CCDC33: variants seen among roughly 807,000 people sequenced by gnomAD.
CCDC33 encodes the protein coiled-coil domain containing 33.
In CCDC33, 94 loss-of-function variants were observed where a neutral mutation model predicts 91.9. The ratio of observed to expected loss-of-function variants is 1.02; its 90% CI spans 0.87 to 1.21. The LOEUF (loss-of-function observed/expected upper bound fraction) is 1.21, where lower values mean the gene tolerates loss of function less well. Ranked by LOEUF, CCDC33 falls within the 50% of genes most tolerant of loss-of-function variation. CCDC33 has a pLI of 0.00. For missense variants in CCDC33, 940 were observed against 935.5 expected (o/e 1.00, Z -0.06); for synonymous variants, 396 against 374.5 (o/e 1.06, Z -0.66).
chr15:74,269,817 T>A (rs1455722623), intron 5 of CCDC33, among the ~76,000 whole-genome samples: 1 of 152,192 alleles, frequency 6.6e-6, no homozygotes, highest in Non-Finnish European at 1.5e-5. Context: ...TGCCTGCTCC[T>A]GATGGTGAGC....
chr15:74,334,110 GCAACCAGGGTCAGGGCTCAGTGTA>G (rs1567045773), intron 17 of CCDC33, 143 bp downstream of exon 17: 2 of 664,640 alleles, frequency 3.0e-6, no homozygotes, highest in African/African-American at 3.6e-5. Flanking sequence ...GGTTCAGTGT[GCAACCAGGGTCAGGGCTCAGTGTA>G]CAACCAGGGT....
At position 74,208,721 on chromosome 15, in the gene CCDC33, CGCA is replaced by C; in HGVS notation, n.90-666_90-664del. 4.1e-6 allele frequency: 4 copies of C among 987,606 alleles called. No individual in the cohort carries two copies. In the South Asian group the frequency reaches 1.4e-4, roughly 35 times the overall value. 61.2% of individuals were successfully genotyped at this position (987,606 alleles called of 1,614,324 possible). On this transcript the variant is annotated intron_variant and non_coding_transcript_variant, in intron 1 of 3. Coordinates refer to the CCDC33 transcript ENST00000558645. ...GCTCTGACTCCTGCTCACTTCCCACCGCACACCCCATGTGCCTTCTCGCTGTTC... is the reference window on the plus strand; with the variant it reads ...GCTCTGACTCCTGCTCACTTCCCACCCACCCCATGTGCCTTCTCGCTGTTC...
At chr15:74,225,111 T>A (rs1305121571) in intron 2 of CCDC33, among the ~76,000 whole-genome samples, 1 of 139,994 alleles carries the variant, frequency 7.1e-6, no homozygotes, top group Non-Finnish European at 1.6e-5. Flanking sequence ...TCACACCTCC[T>A]GGAGGCGTGT....
intron 1 of CCDC33, among the ~76,000 whole-genome samples, chr15:74,204,699 G>A (rs903747682): frequency 5.3e-5 from 8 of 152,202 alleles, no homozygotes; most frequent in African/African-American, 1.2e-4. Flanking sequence ...TTGGGAGGCC[G>A]AGGCAGGTGG....
chr15:74,299,116 G>A (rs989296367), intron 11 of CCDC33, among the ~76,000 whole-genome samples: 4 of 152,354 alleles, frequency 2.6e-5, no homozygotes, highest in Middle Eastern at 3.4e-3. Context: ...GAGGCTCTGA[G>A]TGATACCCCA....
rs745865997 is a variant in CCDC33, at chr15:74,330,197, C to A, written c.1299C>A (p.Asn433Lys). The change falls in exon 12 of 19, where the codon AAC becomes AAA. Residue 433 changes from asparagine to lysine, a missense_variant. Transcript: ENST00000398814. ...VPEMSHDTEM[N>K]NYRRAMQKMA... ...GGCTCTGGGATCCACAGGAGATGAA[C>A]AACTACCGGCGGGCCATGCAGAAGA... 3.2e-5 allele frequency: 51 copies of A among 1,604,080 alleles called. No individual in the cohort carries two copies. The highest frequency in any genetic ancestry group is 4.2e-5 in the Non-Finnish European group (49 of 1,174,186).
chr15:74,264,552 C>T (rs993932181), intron 3 of CCDC33, among the ~76,000 whole-genome samples: 3 of 152,136 alleles, frequency 2.0e-5, no homozygotes, highest in African/African-American at 7.2e-5. Context: ...TGGCAAATCC[C>T]AACTGGATCT....
At chr15:74,206,291 G>A (rs553422742) in intron 1 of CCDC33, among the ~76,000 whole-genome samples, 27 of 152,338 alleles carry the variant, frequency 1.8e-4, no homozygotes, top group African/African-American at 4.8e-4. Context: ...CATGGATAGC[G>A]GGTGGCCGCG....
chr15:74,209,858 G>A (rs1034749605), intron 2 of CCDC33, among the ~76,000 whole-genome samples: 7 of 152,222 alleles, frequency 4.6e-5, no homozygotes, highest in Admixed American at 3.9e-4. Flanking sequence ...GGGCCAAGAA[G>A]CGGGGCCCTA....
chr15:74,224,648 G>T (rs1430198302), intron 2 of CCDC33, among the ~76,000 whole-genome samples: 3 of 152,168 alleles, frequency 2.0e-5, no homozygotes, highest in Admixed American at 2.0e-4. Flanking sequence ...CCTGGTGCAG[G>T]TTATATAACT....
At chr15:74,242,639 A>ACC (rs1456573082) in intron 1 of CCDC33, among the ~76,000 whole-genome samples, 15 of 151,722 alleles carry the variant, frequency 9.9e-5, no homozygotes, top group Admixed American at 9.8e-4. Flanking sequence ...GGTAGGCAAG[A>ACC]CCTCCTACCA....
Position 74,285,454 on chromosome 15 carries a change from A to C in CCDC33, c.1095+3605A>C, listed in dbSNP as rs115374661. Among the ~76,000 whole-genome samples the C allele has an allele frequency of 7.1e-3, 1,085 of 152,246 alleles. 15 individuals carry two copies. Among genetic ancestry groups the C allele is most frequent in the African/African-American group, 0.025 (1,037 of 41,526 alleles). ...CCTGTGCTGCCATGACAGACAGCTC[A>C]CTACCTCCAGAAGCAGGCCTTCCTA... is the stretch of plus-strand genomic sequence containing the variant. On this transcript the variant is annotated intron_variant, in intron 10 of 18. Coordinates refer to ENST00000398814, the MANE Select transcript of CCDC33 (RefSeq NM_025055.5).
At chr15:74,213,873 T>C (rs946850962), upstream of CCDC33, among the ~76,000 whole-genome samples, 1 of 152,188 alleles carries the variant, frequency 6.6e-6, no homozygotes, top group South Asian at 2.1e-4. Flanking sequence ...CATGATCACC[T>C]AATCGCAGTG....
chr15:74,333,144 A>T, intron 16 of CCDC33: 1 of 1,217,376 alleles, frequency 8.2e-7, no homozygotes, highest in Non-Finnish European at 1.2e-6. Context: ...CCTGGACCCT[A>T]CACAGGCCTC....
intron 2 of CCDC33, among the ~76,000 whole-genome samples, chr15:74,258,377 C>T (rs754713197): frequency 6.6e-6 from 1 of 152,210 alleles, no homozygotes; most frequent in Non-Finnish European, 1.5e-5. Flanking sequence ...TCAAAACAAA[C>T]CAGGCCGCCT....
chr15:74,321,682 G>A (rs1217227284), intron 11 of CCDC33, among the ~76,000 whole-genome samples: 1 of 152,196 alleles, frequency 6.6e-6, no homozygotes, highest in African/African-American at 2.4e-5. Context: ...TTACAGGCGT[G>A]AACCACCGCA....
chr15:74,247,263 T>G (rs1356863516), intron 2 of CCDC33, among the ~76,000 whole-genome samples: 1 of 151,932 alleles, frequency 6.6e-6, no homozygotes, highest in Non-Finnish European at 1.5e-5. Context: ...AGGTCAAGAG[T>G]ACCCCTATAT....
At position 74,335,102 on chromosome 15, in the gene CCDC33, C is replaced by A; in HGVS notation, c.2139+14C>A. The A allele has an allele frequency of 6.3e-7, 1 of 1,585,598 alleles. No individual in the cohort carries two copies. Among genetic ancestry groups the A allele is most frequent in the Non-Finnish European group, 8.7e-7 (1 of 1,153,980 alleles). On this transcript the variant is annotated intron_variant, in intron 18 of 18. Transcript: ENST00000398814. Reference sequence around the variant, plus strand: ...ATAGAACAGCCTGTGAGTGACCCCCCTGGAGTAGCTCCCAGGGGTTCAGGT... The same window carrying A: ...ATAGAACAGCCTGTGAGTGACCCCCATGGAGTAGCTCCCAGGGGTTCAGGT...
chr15:74,251,609 G>A (rs2075712719), intron 2 of CCDC33, among the ~76,000 whole-genome samples: 1 of 152,220 alleles, frequency 6.6e-6, no homozygotes, highest in Non-Finnish European at 1.5e-5. Context: ...GTGCATGTGG[G>A]GCAGGCTTGG....
Sources: gnomAD v4.1 joint callset for allele counts (sites outside exome capture counted in the v4.1 genomes callset) on GRCh38, gnomAD v4.1.1 for gene constraint, MANE v1.5 for transcripts, NCBI Gene and HGNC (gene_info 2026-07-23, HGNC 2026-07-21) for gene names.